HMBOX1: variants seen among roughly 807,000 people sequenced by gnomAD.
HMBOX1 encodes the protein homeobox-containing protein 1.
A neutral mutation model predicts 54.5 loss-of-function variants in HMBOX1; 14 were observed. The ratio of observed to expected loss-of-function variants is 0.26; its 90% confidence interval spans 0.17 to 0.40. The LOEUF is 0.40. Among genes scored for constraint, HMBOX1 ranks in the 10% least tolerant of loss-of-function variants. HMBOX1 has a pLI of 1.00. For missense variants in HMBOX1, 332 were observed against 514.4 expected, an observed-to-expected ratio of 0.65 and a Z score of 3.43; for synonymous variants, 160 against 181.0, an observed-to-expected ratio of 0.88 and a Z score of 0.93.
intron 6 of HMBOX1, among the ~76,000 whole-genome samples, chr8:29,044,303 C>G (rs1195789621): frequency 6.6e-6 from 1 of 152,134 alleles, no homozygotes; most frequent in Non-Finnish European, 1.5e-5. Flanking sequence ...TAGAATTTGA[C>G]AGGGGCCCAT....
At chr8:29,010,644 G>A (rs752662938) in intron 5 of HMBOX1, among the ~76,000 whole-genome samples, 29 of 151,602 alleles carry the variant, frequency 1.9e-4, no homozygotes, top group Admixed American at 1.6e-3. Flanking sequence ...TGTGTATTCA[G>A]CATTCATCTC....
Position 28,970,981 on chromosome 8 carries a change from G to T in HMBOX1, c.500+462G>T, listed in dbSNP as rs1216432809. ...ATAGGTTCTAATTTTAGCAATAGAT[G>T]ACACACACACACACACACACACACA... On this transcript the variant is annotated intron_variant, in intron 3 of 9. Coordinates refer to ENST00000287701, the MANE Select transcript of HMBOX1 (RefSeq NM_001135726.3). The surrounding 1 kb of genome is among the most constrained non-coding windows in gnomAD (Gnocchi z 4.3). 7.6e-6 allele frequency among the ~76,000 whole-genome samples: 1 copy of T among 132,046 alleles called. No individual in the cohort carries two copies. Among genetic ancestry groups the T allele is most frequent in the Non-Finnish European group, 1.6e-5 (1 of 62,714 alleles). 86.6% of individuals were successfully genotyped at this position (132,046 alleles called of 152,430 possible). A position where few individuals can be genotyped will look rare whatever the true frequency, so the allele number is the denominator to read the frequency against.
At chr8:29,037,199 G>A (rs1224671519) in intron 6 of HMBOX1, among the ~76,000 whole-genome samples, 1 of 152,110 alleles carries the variant, frequency 6.6e-6, no homozygotes, top group Non-Finnish European at 1.5e-5. Flanking sequence ...TTAAGTCTGT[G>A]GAGTTAAAAA....
chr8:29,051,188 T>C lies in HMBOX1; in HGVS notation c.*33T>C. 6.2e-7 allele frequency: 1 copy of C among 1,610,444 alleles called. No individual in the cohort carries two copies. On this transcript the variant is annotated 3_prime_UTR_variant, in exon 10 of 10. Transcript: ENST00000287701. ...GGTTAAACATGACAAGTTAACTTAG[T>C]TTAGACGTAGCACCTTAGCAGACTT...
intron 1 of HMBOX1, among the ~76,000 whole-genome samples, chr8:28,931,177 CT>C (rs1285857484): frequency 6.6e-6 from 1 of 152,158 alleles, no homozygotes; most frequent in African/African-American, 2.4e-5. Context: ...ATTTAAAAAT[CT>C]AGCTAGATTA....
At chr8:29,018,672 C>T in intron 5 of HMBOX1, 88 bp from the exon 6 acceptor site, 1 of 1,325,730 alleles carries the variant, frequency 7.5e-7, no homozygotes. Context: ...AGCCAAAGAC[C>T]ATACTTCCCT....
chr8:29,033,620 G>T (rs530637268), intron 6 of HMBOX1, among the ~76,000 whole-genome samples: 14 of 152,276 alleles, frequency 9.2e-5, no homozygotes, highest in African/African-American at 3.1e-4. Context: ...TGATGTTTTT[G>T]AGGCAGATTA....
At chr8:29,044,910 C>T (rs1314696133) in intron 6 of HMBOX1, among the ~76,000 whole-genome samples, 1 of 152,076 alleles carries the variant, frequency 6.6e-6, no homozygotes, top group Non-Finnish European at 1.5e-5. Context: ...TTTTCTACTA[C>T]AAACAATTAG....
chr8:28,984,583 T>G (rs1459471107), intron 4 of HMBOX1, among the ~76,000 whole-genome samples: 1 of 152,218 alleles, frequency 6.6e-6, no homozygotes, highest in African/African-American at 2.4e-5. Context: ...ATGTTATTTG[T>G]AGCTTCTTTC....
At chr8:28,914,394 T>C (rs1285188468) in intron 1 of HMBOX1, among the ~76,000 whole-genome samples, 1 of 152,194 alleles carries the variant, frequency 6.6e-6, no homozygotes, top group Non-Finnish European at 1.5e-5. Flanking sequence ...ATCAAATAGA[T>C]ACCCCATCTA....
chr8:29,004,007 G>A (rs183285323), intron 4 of HMBOX1, among the ~76,000 whole-genome samples: 1 of 152,268 alleles, frequency 6.6e-6, no homozygotes, highest in African/African-American at 2.4e-5. Context: ...GATTGGAAAG[G>A]ACATGAAAAT....
At chr8:28,977,853 A>C (rs565751314) in intron 3 of HMBOX1, among the ~76,000 whole-genome samples, 1 of 151,792 alleles carries the variant, frequency 6.6e-6, no homozygotes, top group South Asian at 2.1e-4. Context: ...CTGAGGCAGG[A>C]GAATGACGTG....
At chr8:29,003,496 GTATA>G (rs10572983) in intron 4 of HMBOX1, among the ~76,000 whole-genome samples, 74,820 of 125,314 alleles carry the variant, frequency 0.6, 22,670 homozygotes, top group East Asian at 0.72. Context: ...GTGTGTGTGT[GTATA>G]TATATATATA....
chr8:29,017,399 C>T (rs1248676214), intron 5 of HMBOX1, among the ~76,000 whole-genome samples: 1 of 152,162 alleles, frequency 6.6e-6, no homozygotes, highest in Non-Finnish European at 1.5e-5. Flanking sequence ...CATGATTAGC[C>T]AGAGGTATGA....
At chr8:29,034,771 C>T (rs536430171) in intron 6 of HMBOX1, among the ~76,000 whole-genome samples, 1 of 152,256 alleles carries the variant, frequency 6.6e-6, no homozygotes, top group Non-Finnish European at 1.5e-5. Context: ...GCAGGAGAAT[C>T]ACTTGAACCC....
chr8:29,046,206 G>A (rs1348970445), intron 7 of HMBOX1: 2 of 152,192 alleles, frequency 1.3e-5, no homozygotes, highest in Non-Finnish European at 2.9e-5. Context: ...CAGACTTCTA[G>A]CAATGTAGAC....
intron 1 of HMBOX1, among the ~76,000 whole-genome samples, chr8:28,894,954 AC>A (rs1381672789): frequency 1.3e-5 from 2 of 151,906 alleles, no homozygotes; most frequent in Admixed American, 6.5e-5. Context: ...AAAAAAAAAA[AC>A]AGTAACAATA....
chr8:28,904,750 ACTGCAAG>A (rs947757905), intron 1 of HMBOX1, among the ~76,000 whole-genome samples: 2 of 149,894 alleles, frequency 1.3e-5, no homozygotes, highest in African/African-American at 4.9e-5. Flanking sequence ...CATCTTGCTC[ACTGCAAG>A]CTCTGCCTCC....
intron 1 of HMBOX1, among the ~76,000 whole-genome samples, chr8:28,910,328 G>C (rs1815176338): frequency 6.6e-6 from 1 of 152,128 alleles, no homozygotes; most frequent in African/African-American, 2.4e-5. Flanking sequence ...ATGGTTGTTT[G>C]GGATGTTTCC....
Sources: gnomAD v4.1 joint callset for allele counts (sites outside exome capture counted in the v4.1 genomes callset) on GRCh38, gnomAD v4.1.1 for gene constraint, Gnocchi (gnomAD v3.1) non-coding constraint, MANE v1.5 for transcripts, NCBI Gene and HGNC (gene_info 2026-07-23, HGNC 2026-07-21) for gene names.